The following TP63 variants were observed in gnomAD, a reference collection of about 807,000 sequenced individuals.
The protein encoded by TP63 is tumor protein p63.
A neutral mutation model predicts 82.8 loss-of-function variants in TP63; 17 were observed. That is an observed-to-expected ratio of 0.21 (90% CI 0.14 to 0.31). TP63 has a LOEUF of 0.31. TP63 is among the 10% of genes least tolerant of loss of function. The pLI is 1.00. For missense variants in TP63, 648 were observed against 895.3 expected (o/e 0.72, Z 3.52); for synonymous variants, 330 against 321.7 (o/e 1.03, Z -0.28).
intron 4 of TP63, among the ~76,000 whole-genome samples, chr3:189,843,366 C>G (rs548388379): frequency 6.6e-6 from 1 of 152,170 alleles, no homozygotes; most frequent in Non-Finnish European, 1.5e-5. Context: ...GGGCGCGGCC[C>G]GGGAAGAATG....
chr3:189,632,679 G>A (rs1729535391), intron 1 of TP63, among the ~76,000 whole-genome samples: 1 of 152,098 alleles, frequency 6.6e-6, no homozygotes, highest in Non-Finnish European at 1.5e-5. Flanking sequence ...GGTCTCCAAG[G>A]TTTCAGTGGA....
chr3:189,622,602 C>CT, the TP63 span, among the ~76,000 whole-genome samples: 8 of 152,126 alleles, frequency 5.3e-5, no homozygotes, highest in Admixed American at 2.6e-4. Flanking sequence ...GAGGAGAGAT[C>CT]TTTGTTTTAT....
rs558532263 is a variant in TP63, at chr3:189,868,512, T to C, written c.993-68T>C. On this transcript the variant is annotated intron_variant, in intron 7 of 13. Transcript: ENST00000264731. ...TGGCCCATATGGGAAGTGGAAGTGG[T>C]AGATCTTCAGGGGACTTTCAAAATG... 161 of 1,594,982 alleles carry C rather than the reference T, an allele frequency of 1.0e-4. 2 individuals are homozygous for C. In the East Asian group the frequency reaches 3.5e-3, roughly 34 times the overall value.
At chr3:189,730,229 CCTAA>C (rs1720062773) in intron 1 of TP63, among the ~76,000 whole-genome samples, 1 of 152,130 alleles carries the variant, frequency 6.6e-6, no homozygotes, top group Non-Finnish European at 1.5e-5. Flanking sequence ...CAATAGTAAT[CCTAA>C]CTGTCTTTTC....
intron 3 of TP63, among the ~76,000 whole-genome samples, chr3:189,770,514 G>A (rs1053894289): frequency 1.3e-5 from 2 of 151,292 alleles, no homozygotes; most frequent in South Asian, 2.1e-4. Flanking sequence ...GCAGTGAGCC[G>A]AGATCGTTCC....
intron 3 of TP63, among the ~76,000 whole-genome samples, chr3:189,788,206 TAC>T (rs928648271): frequency 2.6e-5 from 4 of 152,058 alleles, no homozygotes; most frequent in African/African-American, 7.2e-5. Context: ...TTTGTAGTGT[TAC>T]AGAGTACTGT....
At chr3:189,867,690 C>A in intron 6 of TP63, 143 bp from the exon 7 acceptor site, 2 of 770,804 alleles carry the variant, frequency 2.6e-6, no homozygotes, top group South Asian at 1.5e-5. Flanking sequence ...GAAAAATCTA[C>A]AACAGGGTTC....
At chr3:189,614,770 G>A in the TP63 span, among the ~76,000 whole-genome samples, 1 of 152,134 alleles carries the variant, frequency 6.6e-6, no homozygotes, top group African/African-American at 2.4e-5. Context: ...AAAGCATGTG[G>A]CATGGGGGTA....
rs1719807437 is a variant in TP63 at position 189,880,591 on chromosome 3, C to T, written c.1350-5803C>T. 8.1e-6 allele frequency: 8 copies of T among 986,130 alleles called. No individual in the cohort carries two copies. The South Asian group carries it at 2.3e-4, about 29-fold the overall frequency. 61.1% of individuals were successfully genotyped at this position (986,130 alleles called of 1,614,324 possible). On this transcript the variant is annotated intron_variant, in intron 10 of 13. Transcript: ENST00000264731. ...TGAGCAGGTCTCAAACTTAAGATGT[C>T]TTTTTAAGAAAAGGAGAAAAAAGTT... is the stretch of plus-strand genomic sequence containing the variant.
intron 3 of TP63, among the ~76,000 whole-genome samples, chr3:189,755,785 A>G (rs1257920771): frequency 6.6e-6 from 1 of 152,176 alleles, no homozygotes; most frequent in Non-Finnish European, 1.5e-5. Flanking sequence ...CAATTTGATT[A>G]TAGACTTGAA....
chr3:189,728,588 T>C (rs887415580), intron 1 of TP63, among the ~76,000 whole-genome samples: 2 of 152,200 alleles, frequency 1.3e-5, no homozygotes, highest in African/African-American at 4.8e-5. Flanking sequence ...AATAGTTTGC[T>C]TTCATGCTGC....
intron 1 of TP63, among the ~76,000 whole-genome samples, chr3:189,678,170 G>A (rs1715609010): frequency 6.6e-6 from 1 of 151,798 alleles, no homozygotes; most frequent in Non-Finnish European, 1.5e-5. Flanking sequence ...TATTTGTCAA[G>A]GCACTGTCCC....
Position 189,694,790 on chromosome 3 carries a change from C to CT in TP63, c.63-42917dup, listed in dbSNP as rs71175304. Among the ~76,000 whole-genome samples the CT allele has an allele frequency of 1.7e-3, 55 of 32,750 alleles. 8 individuals are homozygous for CT. Among genetic ancestry groups the CT allele is most frequent in the African/African-American group, 5.4e-3 (48 of 8,952 alleles). The allele number at this position is 32,750 out of a possible 152,430, so 21.5% of individuals were successfully genotyped here. Reference sequence around the variant, plus strand: ...TTGAAAGGAGGCCAGTATTTACAGCCTTTTTTTTTTTTTTTTTTTTTTTTT... The same window carrying CT: ...TTGAAAGGAGGCCAGTATTTACAGCCTTTTTTTTTTTTTTTTTTTTTTTTTT... On this transcript the variant is annotated intron_variant, in intron 1 of 13. Coordinates refer to ENST00000264731, the MANE Select transcript of TP63 (RefSeq NM_003722.5).
intron 4 of TP63, among the ~76,000 whole-genome samples, chr3:189,820,038 C>T (rs1443505110): frequency 6.6e-6 from 1 of 152,158 alleles, no homozygotes; most frequent in African/African-American, 2.4e-5. Context: ...CATGAGCCAC[C>T]ACGCCCAGCC....
chr3:189,765,433 C>CTTTTTGTTTTTTTTTTT lies in TP63; in HGVS notation c.324+26664_324+26665insGTTTTTTTTTTTTTTTT, dbSNP rs1722871964. Reference sequence around the variant, plus strand: ...GGCTTTGTAAATATCCTGTCCTCTGCTTTTTTTTTTTTTTTTTTTTTGAGA... The same window carrying CTTTTTGTTTTTTTTTTT: ...GGCTTTGTAAATATCCTGTCCTCTGCTTTTTGTTTTTTTTTTTTTTTTTTTTTTTTTTTTTTTTGAGA... On this transcript the variant is annotated intron_variant, in intron 3 of 13. Coordinates refer to ENST00000264731, the MANE Select transcript of TP63 (RefSeq NM_003722.5). 1.0e-4 allele frequency among the ~76,000 whole-genome samples: 3 copies of CTTTTTGTTTTTTTTTTT among 30,088 alleles called. 1 individual carries two copies. The highest frequency in any genetic ancestry group is 5.6e-4 in the Admixed American group (1 of 1,782). The allele number at this position is 30,088 out of a possible 152,430, so 19.7% of individuals were successfully genotyped here. A position where few individuals can be genotyped will look rare whatever the true frequency, so the allele number is the denominator to read the frequency against.
intron 5 of TP63, 94 bp from the exon 6 acceptor site, chr3:189,866,588 C>A: frequency 7.0e-6 from 8 of 1,138,912 alleles, no homozygotes; most frequent in Non-Finnish European, 9.1e-6. Flanking sequence ...CAGACTATTT[C>A]TTTTGCCACC....
chr3:189,612,866 T>A, the TP63 span, among the ~76,000 whole-genome samples: 1 of 152,222 alleles, frequency 6.6e-6, no homozygotes, highest in Middle Eastern at 3.2e-3. Context: ...GCCCTTGCCC[T>A]AGACATCTGG....
chr3:189,773,816 G>A (rs1576923738), intron 3 of TP63, among the ~76,000 whole-genome samples: 1 of 150,032 alleles, frequency 6.7e-6, no homozygotes, highest in African/African-American at 2.5e-5. Flanking sequence ...CACCCATGCT[G>A]TCTCTGGCCT....
At chr3:189,841,967 C>T (rs1714186182) in intron 4 of TP63, among the ~76,000 whole-genome samples, 3 of 152,076 alleles carry the variant, frequency 2.0e-5, no homozygotes, top group Admixed American at 6.6e-5. Context: ...TTTGTAGAAG[C>T]GTGACTTCTT....
Sources: allele counts gnomAD v4.1 joint callset (sites outside exome capture counted in the v4.1 genomes callset), GRCh38; gene constraint gnomAD v4.1.1; transcripts MANE v1.5; gene names NCBI Gene and HGNC (gene_info 2026-07-23, HGNC 2026-07-21).